The following EXT2 variants were observed in gnomAD, a reference collection of about 807,000 sequenced individuals.
EXT2 encodes exostosin-2.
In EXT2, 53 loss-of-function variants were observed where a neutral mutation model predicts 81.6. The observed-to-expected ratio is 0.65, with a 90% CI of 0.52 to 0.82. The LOEUF (loss-of-function observed/expected upper bound fraction) is 0.82, where lower values mean the gene tolerates loss of function less well. Among genes scored for constraint, EXT2 ranks in the 40% least tolerant of loss-of-function variants. The probability of loss-of-function intolerance (pLI) is 0.00; values close to 1 mark genes in which losing one functional copy is unlikely to be tolerated. For synonymous variants in EXT2, 320 were observed against 340.0 expected (o/e 0.94, Z 0.65); for missense variants, 774 against 910.2 (o/e 0.85, Z 1.93).
chr11:44,171,829 T>A, intron 8 of EXT2, 87 bp downstream of exon 8: 1 of 1,577,132 alleles, frequency 6.3e-7, no homozygotes, highest in Non-Finnish European at 8.7e-7. Context: ...TTGTAAAGGT[T>A]ATTTAAATTC....
At chr11:44,111,738 C>T (rs1954145625) in intron 3 of EXT2, among the ~76,000 whole-genome samples, 1 of 152,166 alleles carries the variant, frequency 6.6e-6, no homozygotes, top group Admixed American at 6.5e-5. Context: ...TGAGGCCCGT[C>T]TTGTTTCATC....
At chr11:44,121,816 T>G (rs1226022073) in intron 4 of EXT2, among the ~76,000 whole-genome samples, 3 of 152,014 alleles carry the variant, frequency 2.0e-5, no homozygotes, top group Non-Finnish European at 2.9e-5. Flanking sequence ...CTAACCTCAC[T>G]TGGTCTCCAG....
chr11:44,162,855 C>A (rs1250946477), intron 7 of EXT2, among the ~76,000 whole-genome samples: 1 of 151,872 alleles, frequency 6.6e-6, no homozygotes, highest in Non-Finnish European at 1.5e-5. Context: ...AAAACAGCTT[C>A]ATGAATAAGG....
At chr11:44,161,220 A>AT (rs1181680726) in intron 7 of EXT2, among the ~76,000 whole-genome samples, 5 of 152,230 alleles carry the variant, frequency 3.3e-5, no homozygotes, top group African/African-American at 1.2e-4. Context: ...CAAATGTCAG[A>AT]TTTTTTATTG....
At chr11:44,242,336 C>G (rs1291331112) in intron 13 of EXT2, among the ~76,000 whole-genome samples, 1 of 152,118 alleles carries the variant, frequency 6.6e-6, no homozygotes, top group Non-Finnish European at 1.5e-5. Context: ...AGCTGTTGTC[C>G]CACGCTTGGT....
intron 10 of EXT2, among the ~76,000 whole-genome samples, chr11:44,213,060 T>C (rs1270503786): frequency 6.6e-6 from 1 of 152,038 alleles, no homozygotes; most frequent in Non-Finnish European, 1.5e-5. Context: ...ATTTCAAAAC[T>C]TGAAAAAAAA....
At chr11:44,228,902 A>G (rs192910385) in intron 10 of EXT2, among the ~76,000 whole-genome samples, 4 of 152,238 alleles carry the variant, frequency 2.6e-5, no homozygotes, top group Admixed American at 1.3e-4. Context: ...AAGAATCCCT[A>G]GGGAAAGCGA....
At chr11:44,231,863 C>A (rs1056725186) in intron 10 of EXT2, among the ~76,000 whole-genome samples, 4 of 152,100 alleles carry the variant, frequency 2.6e-5, no homozygotes, top group Admixed American at 1.3e-4. Flanking sequence ...GCCCTTCTAT[C>A]CTTTAGGCTT....
Position 44,119,141 on chromosome 11 carries a change from T to A in EXT2, c.743+4840T>A, listed in dbSNP as rs868773827. 2.3e-4 allele frequency among the ~76,000 whole-genome samples: 9 copies of A among 39,126 alleles called. 2 individuals are homozygous for A. Among genetic ancestry groups the A allele is most frequent in the African/African-American group, 5.8e-4 (7 of 11,990 alleles). 25.7% of individuals were successfully genotyped at this position (39,126 alleles called of 152,430 possible). On this transcript the variant is annotated intron_variant, in intron 4 of 13. Coordinates refer to ENST00000533608, the MANE Select transcript of EXT2 (RefSeq NM_207122.2). The stretch of plus-strand genomic sequence containing the variant: ...TTGGCTATTTATATATATATATATA[T>A]ATATATATATATATATATATATATA...
intron 8 of EXT2, among the ~76,000 whole-genome samples, chr11:44,188,747 C>T (rs1955351277): frequency 6.6e-6 from 1 of 152,082 alleles, no homozygotes; most frequent in South Asian, 2.1e-4. Flanking sequence ...GTTCAGAATG[C>T]AGCCCAAAGA....
chr11:44,202,405 A>G (rs1415351221), intron 9 of EXT2, among the ~76,000 whole-genome samples: 2 of 152,222 alleles, frequency 1.3e-5, no homozygotes, highest in African/African-American at 4.8e-5. Flanking sequence ...GTTTCTCTAC[A>G]TAGTGGAAAG....
chr11:44,239,109 A>AT lies in EXT2; in HGVS notation c.2018+2743dup, dbSNP rs570352949. On this transcript the variant is annotated intron_variant, in intron 13 of 13. Transcript: ENST00000533608. ...GAAGGAACAAATTAAATTACAAGAGATTTTTTTTTCCCAAAGGGAGATGTA... is the reference window on the plus strand; with the variant it reads ...GAAGGAACAAATTAAATTACAAGAGATTTTTTTTTTCCCAAAGGGAGATGTA... 2.6e-3 allele frequency among the ~76,000 whole-genome samples: 392 copies of AT among 151,760 alleles called. 1 individual carries two copies. The highest frequency in any genetic ancestry group is 8.7e-3 in the African/African-American group (362 of 41,394).
chr11:44,143,622 A>G (rs950857779), intron 7 of EXT2, among the ~76,000 whole-genome samples: 1 of 152,240 alleles, frequency 6.6e-6, no homozygotes, highest in African/African-American at 2.4e-5. Context: ...CGGAATCACC[A>G]GCAGAGCTTG....
chr11:44,135,714 AG>A lies in EXT2; in HGVS notation c.1173+5577del, dbSNP rs754079773. 2.3e-4 allele frequency among the ~76,000 whole-genome samples: 35 copies of A among 152,352 alleles called. 1 individual carries two copies. The highest frequency in any genetic ancestry group is 3.5e-4 in the Non-Finnish European group (24 of 68,030). On this transcript the variant is annotated intron_variant, in intron 7 of 13. Transcript: ENST00000533608. ...GTGGAAAAGCTATTTTTAATAAAAA[AG>A]AATGCTCAGCATATTGAATGTAAGG...
chr11:44,150,817 C>G (rs1954782549), intron 7 of EXT2, among the ~76,000 whole-genome samples: 1 of 152,180 alleles, frequency 6.6e-6, no homozygotes, highest in South Asian at 2.1e-4. Flanking sequence ...TATACAACAG[C>G]TGTAGTATTT....
intron 7 of EXT2, among the ~76,000 whole-genome samples, chr11:44,147,225 G>T (rs1954730452): frequency 6.6e-6 from 1 of 152,114 alleles, no homozygotes; most frequent in Non-Finnish European, 1.5e-5. Context: ...AATCTTTTCA[G>T]CAATTTTTTA....
intron 4 of EXT2, among the ~76,000 whole-genome samples, chr11:44,119,362 ATGGGGTGAATC>A (rs982496724): frequency 1.8e-4 from 27 of 152,034 alleles, no homozygotes; most frequent in African/African-American, 6.5e-4. Flanking sequence ...TAGAAGACGC[ATGGGGTGAATC>A]TGGAGAAACC....
At chr11:44,138,701 G>A (rs1954604896) in intron 7 of EXT2, among the ~76,000 whole-genome samples, 2 of 152,272 alleles carry the variant, frequency 1.3e-5, no homozygotes, top group South Asian at 2.1e-4. Flanking sequence ...AAAGTTTGAG[G>A]AAAGTTGGTA....
At chr11:44,097,837 A>T (rs1200980260) in intron 1 of EXT2, among the ~76,000 whole-genome samples, 1 of 152,196 alleles carries the variant, frequency 6.6e-6, no homozygotes, top group Non-Finnish European at 1.5e-5. Flanking sequence ...AGAGACTGTG[A>T]CTGAAAACAT....
Sources: gnomAD v4.1 joint callset for allele counts (sites outside exome capture counted in the v4.1 genomes callset) on GRCh38, gnomAD v4.1.1 for gene constraint, MANE v1.5 for transcripts, NCBI Gene and HGNC (gene_info 2026-07-23, HGNC 2026-07-21) for gene names.